TNPO3: variants seen among roughly 807,000 people sequenced by gnomAD.
TNPO3 encodes transportin-3.
In TNPO3, 65 loss-of-function variants were observed where a neutral mutation model predicts 122.8. The observed-to-expected ratio is 0.53, with a 90% CI of 0.43 to 0.65. The LOEUF (loss-of-function observed/expected upper bound fraction) is 0.65, where lower values mean the gene tolerates loss of function less well. Among genes scored for constraint, TNPO3 ranks in the 30% least tolerant of loss-of-function variants. The probability of loss-of-function intolerance (pLI) is 0.00; values close to 1 mark genes in which losing one functional copy is unlikely to be tolerated. For synonymous variants in TNPO3, 372 were observed against 411.2 expected, an observed-to-expected ratio of 0.90 and a Z score of 1.15; for missense variants, 850 against 1,136.7, an observed-to-expected ratio of 0.75 and a Z score of 3.63.
chr7:128,983,492 G>A (rs967112299), intron 13 of TNPO3, among the ~76,000 whole-genome samples: 18 of 152,142 alleles, frequency 1.2e-4, no homozygotes, highest in East Asian at 1.9e-4. Context: ...CATGAGCCAC[G>A]ACACCCGGCT....
intron 22 of TNPO3, among the ~76,000 whole-genome samples, chr7:128,955,972 C>T (rs1796859903): frequency 6.6e-6 from 1 of 152,110 alleles, no homozygotes. Flanking sequence ...AAAATAGTAA[C>T]AAATCCAGAA....
At chr7:128,982,117 C>T in intron 14 of TNPO3, 131 bp downstream of exon 14, 1 of 664,718 alleles carries the variant, frequency 1.5e-6, no homozygotes, top group Non-Finnish European at 2.5e-6. Flanking sequence ...CAGGTAACAG[C>T]TGGCTTAATT....
chr7:128,973,720 A>T (rs1798728711), intron 18 of TNPO3, among the ~76,000 whole-genome samples: 3 of 100,606 alleles, frequency 3.0e-5, no homozygotes, highest in African/African-American at 1.1e-4. Context: ...TGGGCGACAG[A>T]GCGAGACTCC....
At chr7:128,990,417 T>G (rs1800631408) in intron 10 of TNPO3, among the ~76,000 whole-genome samples, 1 of 152,240 alleles carries the variant, frequency 6.6e-6, no homozygotes, top group African/African-American at 2.4e-5. Flanking sequence ...TGGATGAATG[T>G]CTTCTTCTAA....
chr7:128,987,021 A>G, intron 11 of TNPO3, 101 bp from the exon 12 acceptor site: 1 of 1,249,260 alleles, frequency 8.0e-7, no homozygotes, highest in South Asian at 1.6e-5. Flanking sequence ...TTTAAAGCAA[A>G]AGAACCCTTT....
At chr7:128,970,869 G>A (rs1466856053) in intron 19 of TNPO3, 1 of 152,008 alleles carries the variant, frequency 6.6e-6, no homozygotes, top group Non-Finnish European at 1.5e-5. Context: ...TCAATGTGGT[G>A]ACCTCCCAGG....
chr7:129,032,337 T>C (rs1301567938), intron 1 of TNPO3, among the ~76,000 whole-genome samples: 1 of 152,202 alleles, frequency 6.6e-6, no homozygotes, highest in Non-Finnish European at 1.5e-5. Context: ...TTCAACATAG[T>C]GTTCGAAGTT....
At chr7:128,987,034 A>G (rs1379164578) in intron 11 of TNPO3, 114 bp from the exon 12 acceptor site, 10 of 1,091,088 alleles carry the variant, frequency 9.2e-6, no homozygotes, top group Non-Finnish European at 1.3e-5. Context: ...AACCCTTTTA[A>G]AAAGTGAAAT....
intron 11 of TNPO3, among the ~76,000 whole-genome samples, chr7:128,988,703 T>G (rs1291280506): frequency 6.6e-6 from 1 of 152,030 alleles, no homozygotes; most frequent in East Asian, 1.9e-4. Flanking sequence ...GAAAAATGGT[T>G]CAGAAAAGAA....
intron 1 of TNPO3, among the ~76,000 whole-genome samples, chr7:129,053,577 T>A (rs140853824): frequency 9.2e-5 from 14 of 151,716 alleles, no homozygotes; most frequent in African/African-American, 2.9e-4. Context: ...TTTTTAAATA[T>A]TATGCACTTG....
chr7:129,020,437 A>G (rs1804349007), intron 1 of TNPO3, among the ~76,000 whole-genome samples: 1 of 151,940 alleles, frequency 6.6e-6, no homozygotes, highest in South Asian at 2.1e-4. Flanking sequence ...GCTCATGTTA[A>G]TATCTTTTTA....
At chr7:129,052,480 T>G (rs189982760) in intron 1 of TNPO3, among the ~76,000 whole-genome samples, 109 of 152,312 alleles carry the variant, frequency 7.2e-4, no homozygotes, top group Non-Finnish European at 1.3e-3. Context: ...TAAAATAAAC[T>G]CAGATTATCC....
At chr7:129,048,168 C>G in intron 1 of TNPO3, among the ~76,000 whole-genome samples, 1 of 152,074 alleles carries the variant, frequency 6.6e-6, no homozygotes, top group East Asian at 1.9e-4. Context: ...AGCAAGGCTG[C>G]AGTGAGCAGT....
intron 21 of TNPO3, among the ~76,000 whole-genome samples, 179 bp downstream of exon 21, chr7:128,967,101 T>C (rs1797994699): frequency 6.6e-6 from 1 of 152,236 alleles, no homozygotes; most frequent in South Asian, 2.1e-4. Flanking sequence ...ATGTTAAATA[T>C]ATGTACATAC....
At chr7:129,031,259 A>G (rs1161954878) in intron 1 of TNPO3, among the ~76,000 whole-genome samples, 2 of 152,134 alleles carry the variant, frequency 1.3e-5, no homozygotes, top group Non-Finnish European at 2.9e-5. Flanking sequence ...AGATCATGCC[A>G]CAAGCACTCC....
intron 4 of TNPO3, among the ~76,000 whole-genome samples, chr7:129,010,629 C>T (rs1255001092): frequency 2.6e-5 from 4 of 152,136 alleles, no homozygotes; most frequent in Non-Finnish European, 5.9e-5. Context: ...ATGGAAGGAA[C>T]AGACTTTCAT....
chr7:128,963,275 C>T (rs1034568581), intron 21 of TNPO3, among the ~76,000 whole-genome samples: 1 of 152,154 alleles, frequency 6.6e-6, no homozygotes, highest in Non-Finnish European at 1.5e-5. Context: ...TACTTGACTC[C>T]AAACCCCATC....
In TNPO3 at chr7:129,002,432, A is replaced by G. The variant is rs150673363; in HGVS notation, c.697-1198T>C. Among the ~76,000 whole-genome samples the G allele has an allele frequency of 1.1e-3, 175 of 152,314 alleles. 1 individual carries two copies. Among genetic ancestry groups the G allele is most frequent in the African/African-American group, 3.8e-3 (156 of 41,570 alleles). On this transcript the variant is annotated intron_variant, in intron 5 of 22. Transcript: ENST00000265388. ...TTCTAGTGAAGAGAGTACAGTTGAG[A>G]GGTTGAATACACTTAGTAAGGGCGT... is the stretch of plus-strand genomic sequence containing the variant.
chr7:129,011,826 T>C (rs1344456173), intron 4 of TNPO3, among the ~76,000 whole-genome samples: 1 of 152,212 alleles, frequency 6.6e-6, no homozygotes, highest in East Asian at 1.9e-4. Flanking sequence ...AATATGTTCA[T>C]AGAGGATATG....
Sources: allele counts gnomAD v4.1 joint callset (sites outside exome capture counted in the v4.1 genomes callset), GRCh38; gene constraint gnomAD v4.1.1; transcripts MANE v1.5; gene names NCBI Gene and HGNC (gene_info 2026-07-23, HGNC 2026-07-21).